The following UNC79 variants were observed in gnomAD, a reference collection of about 807,000 sequenced individuals.
UNC79 encodes the protein unc-79 subunit of NALCN channel complex.
Under a neutral mutation model 283.1 loss-of-function variants are expected in UNC79, and 37 were observed. The ratio of observed to expected loss-of-function variants is 0.13; its 90% CI spans 0.10 to 0.17. UNC79 has a LOEUF of 0.17. UNC79 is among the 10% of genes least tolerant of loss of function. UNC79 has a pLI of 1.00. For missense variants in UNC79, 2,272 were observed against 3,211.1 expected (o/e 0.71, Z 7.07); for synonymous variants, 1,107 against 1,200.2 (o/e 0.92, Z 1.61).
At chr14:93,421,589 A>C (rs1337869300) in intron 1 of UNC79, among the ~76,000 whole-genome samples, 1 of 151,660 alleles carries the variant, frequency 6.6e-6, no homozygotes, top group Admixed American at 6.6e-5. Flanking sequence ...TAATATTTCC[A>C]AATACATCCT....
At chr14:93,434,208 C>T (rs923390250) in intron 1 of UNC79, among the ~76,000 whole-genome samples, 3 of 150,406 alleles carry the variant, frequency 2.0e-5, no homozygotes, top group African/African-American at 4.9e-5. Flanking sequence ...AGCAAAACTC[C>T]GTCTCAAAAA....
chr14:93,468,418 G>C (rs961246183), intron 2 of UNC79, among the ~76,000 whole-genome samples: 13 of 152,142 alleles, frequency 8.5e-5, no homozygotes, highest in African/African-American at 3.1e-4. Flanking sequence ...TCAAGTAAAG[G>C]CTCAGTTGTT....
chr14:93,583,929 C>T (rs1028678822), intron 20 of UNC79, among the ~76,000 whole-genome samples: 2 of 151,982 alleles, frequency 1.3e-5, no homozygotes, highest in African/African-American at 4.8e-5. Flanking sequence ...CCTCAGCCTC[C>T]AGAGTAGCTG....
intron 14 of UNC79, among the ~76,000 whole-genome samples, chr14:93,561,351 C>A (rs1222917236): frequency 6.6e-6 from 1 of 152,060 alleles, no homozygotes; most frequent in East Asian, 1.9e-4. Flanking sequence ...TGGAGGAGGG[C>A]AGCAGCTTGC....
At chr14:93,469,015 G>A (rs2057362877) in intron 2 of UNC79, among the ~76,000 whole-genome samples, 2 of 152,104 alleles carry the variant, frequency 1.3e-5, no homozygotes, top group African/African-American at 4.8e-5. Context: ...GTTCTCAATG[G>A]AAAACAGTTT....
chr14:93,645,202 T>A (rs1259775758), intron 34 of UNC79, among the ~76,000 whole-genome samples: 2 of 152,234 alleles, frequency 1.3e-5, no homozygotes, highest in African/African-American at 4.8e-5. Flanking sequence ...GGGGTTTGTT[T>A]CAGTTTTGTT....
chr14:93,600,428 T>G (rs1256944852), intron 24 of UNC79, 141 bp from the exon 25 acceptor site: 6 of 544,018 alleles, frequency 1.1e-5, no homozygotes, highest in Non-Finnish European at 1.9e-5. Context: ...AAGATTCCAG[T>G]GGGATCATTC....
At chr14:93,535,071 T>C (rs2061005824) in intron 11 of UNC79, among the ~76,000 whole-genome samples, 1 of 152,226 alleles carries the variant, frequency 6.6e-6, no homozygotes, top group African/African-American at 2.4e-5. Context: ...CAGACCTTGA[T>C]TATTTCAATT....
At chr14:93,374,031 T>C (rs1302306566) in intron 1 of UNC79, among the ~76,000 whole-genome samples, 4 of 152,038 alleles carry the variant, frequency 2.6e-5, no homozygotes, top group African/African-American at 4.8e-5. Context: ...TCAAAAGATG[T>C]CACTGAAAGC....
At chr14:93,611,572 C>T (rs184271789) in intron 26 of UNC79, among the ~76,000 whole-genome samples, 1 of 152,138 alleles carries the variant, frequency 6.6e-6, no homozygotes, top group African/African-American at 2.4e-5. Flanking sequence ...TTATGCCTCG[C>T]GTCTCTTGGC....
chr14:93,436,971 A>G (rs1223174080), intron 1 of UNC79, among the ~76,000 whole-genome samples: 2 of 152,078 alleles, frequency 1.3e-5, no homozygotes, highest in Non-Finnish European at 2.9e-5. Flanking sequence ...GGTGTTCAGC[A>G]TTTCAGGGTA....
chr14:93,423,149 C>T (rs1186678497), intron 1 of UNC79, among the ~76,000 whole-genome samples: 1 of 150,030 alleles, frequency 6.7e-6, no homozygotes, highest in Admixed American at 6.6e-5. Flanking sequence ...GATAAAATAC[C>T]TACAAATTAA....
At chr14:93,631,155 G>A (rs554566921) in intron 31 of UNC79, among the ~76,000 whole-genome samples, 78 of 152,124 alleles carry the variant, frequency 5.1e-4, no homozygotes, top group African/African-American at 1.8e-3. Flanking sequence ...ATTTGTTAAG[G>A]AATGATCACT....
At chr14:93,620,640 C>G (rs2067066446) in intron 29 of UNC79, among the ~76,000 whole-genome samples, 1 of 152,186 alleles carries the variant, frequency 6.6e-6, no homozygotes, top group East Asian at 1.9e-4. Flanking sequence ...ATTGGACTCT[C>G]AAGAAGCCTC....
intron 32 of UNC79, among the ~76,000 whole-genome samples, chr14:93,637,549 T>C (rs1365588266): frequency 6.6e-6 from 1 of 152,144 alleles, no homozygotes. Context: ...TATATATATA[T>C]GTTCAAGCCA....
rs1234745327 is a variant in UNC79 at position 93,582,084 on chromosome 14, C to T, written c.2662-119C>T. 2.6e-6 allele frequency: 4 copies of T among 1,519,580 alleles called. No homozygotes were observed. The African/African-American group carries it at 4.2e-5, about 16-fold the overall frequency. The allele number at this position is 1,519,580 out of a possible 1,614,324, so 94.1% of individuals were successfully genotyped here. On this transcript the variant is annotated intron_variant, in intron 19 of 48. Transcript: ENST00000555664. Reference sequence around the variant, plus strand: ...GGGGTGTGGTGCCTTGGCCTCTGGCCTCAGCAGCATGGGACCCGAGACACA... The same window carrying T: ...GGGGTGTGGTGCCTTGGCCTCTGGCTTCAGCAGCATGGGACCCGAGACACA...
intron 7 of UNC79, among the ~76,000 whole-genome samples, chr14:93,501,961 GAATT>G (rs2059312335): frequency 6.6e-6 from 1 of 152,032 alleles, no homozygotes. Context: ...ATATGTGTAG[GAATT>G]ATATATTATT....
At chr14:93,535,918 G>A (rs1041753145) in intron 11 of UNC79, among the ~76,000 whole-genome samples, 1 of 152,154 alleles carries the variant, frequency 6.6e-6, no homozygotes, top group African/African-American at 2.4e-5. Flanking sequence ...CTTCTTGATG[G>A]GAGGAGTGTG....
chr14:93,660,612 CAG>C (rs2140437390), intron 39 of UNC79, among the ~76,000 whole-genome samples: 1 of 132,094 alleles, frequency 7.6e-6, no homozygotes, highest in African/African-American at 2.9e-5. Flanking sequence ...TATTTTGAGA[CAG>C]AGTCTCGCTC....
Sources: gnomAD v4.1 joint callset for allele counts (sites outside exome capture counted in the v4.1 genomes callset) on GRCh38, gnomAD v4.1.1 for gene constraint, MANE v1.5 for transcripts, NCBI Gene and HGNC (gene_info 2026-07-23, HGNC 2026-07-21) for gene names.